NTRK2: variants seen among roughly 807,000 people sequenced by gnomAD.
The protein encoded by NTRK2 is neurotrophic receptor tyrosine kinase 2.
In NTRK2, 13 loss-of-function variants were observed where a neutral mutation model predicts 94.5. The ratio of observed to expected loss-of-function variants is 0.14; its 90% CI spans 0.09 to 0.22. The LOEUF is 0.22. NTRK2 is among the 10% of genes least tolerant of loss of function. The probability of loss-of-function intolerance (pLI) is 1.00; values close to 1 mark genes in which losing one functional copy is unlikely to be tolerated. For synonymous variants in NTRK2, 372 were observed against 407.4 expected, an observed-to-expected ratio of 0.91 and a Z score of 1.05; for missense variants, 639 against 1,071.2, an observed-to-expected ratio of 0.60 and a Z score of 5.63.
At chr9:85,018,444 C>T (rs1158033611) in intron 17 of NTRK2, among the ~76,000 whole-genome samples, 1 of 152,190 alleles carries the variant, frequency 6.6e-6, no homozygotes, top group Non-Finnish European at 1.5e-5. Flanking sequence ...GCAGCAGCAT[C>T]CCTGCATGGC....
chr9:84,941,472 T>C (rs188641129), intron 15 of NTRK2, among the ~76,000 whole-genome samples: 1 of 152,362 alleles, frequency 6.6e-6, no homozygotes, highest in Admixed American at 6.5e-5. Context: ...AACAGTGCAT[T>C]TCACTCTAAT....
chr9:84,977,376 T>A (rs1827017111), intron 17 of NTRK2, among the ~76,000 whole-genome samples: 1 of 152,090 alleles, frequency 6.6e-6, no homozygotes, highest in Non-Finnish European at 1.5e-5. Flanking sequence ...AAATCACCAA[T>A]AACAAGCACA....
chr9:85,019,497 T>C (rs1358287114), intron 17 of NTRK2, among the ~76,000 whole-genome samples: 2 of 152,238 alleles, frequency 1.3e-5, no homozygotes, highest in Non-Finnish European at 1.5e-5. Flanking sequence ...CCTGTACTAA[T>C]GCGATTGCTA....
At chr9:84,838,131 G>T (rs1280486341) in intron 12 of NTRK2, among the ~76,000 whole-genome samples, 1 of 152,096 alleles carries the variant, frequency 6.6e-6, no homozygotes, top group Non-Finnish European at 1.5e-5. Flanking sequence ...ATATTTAGTG[G>T]CTTTCCCATA....
chr9:84,808,681 C>T (rs1439457249), intron 12 of NTRK2, among the ~76,000 whole-genome samples: 2 of 152,236 alleles, frequency 1.3e-5, no homozygotes, highest in African/African-American at 4.8e-5. Flanking sequence ...GAGAATTAAT[C>T]AGTGCTACTG....
In NTRK2 at chr9:84,886,338, T is replaced by C. The variant is rs985905366; in HGVS notation, c.1633+18907T>C. Among the ~76,000 whole-genome samples, 4 of 152,192 alleles carry C rather than the reference T, an allele frequency of 2.6e-5. No individual in the cohort carries two copies. The East Asian group carries it at 5.8e-4, about 22-fold the overall frequency. On this transcript the variant is annotated intron_variant, in intron 14 of 18. Transcript: ENST00000277120. ...CAGTTTAGTTTGGACCATGATCCCA[T>C]TGGAAGAAGCTTCGAAAGCTTTTGG...
intron 17 of NTRK2, among the ~76,000 whole-genome samples, chr9:85,006,525 G>C (rs561402087): frequency 6.6e-6 from 1 of 152,292 alleles, no homozygotes; most frequent in African/African-American, 2.4e-5. Context: ...GGGGTGACAA[G>C]GAGGCTGCTG....
chr9:84,817,558 T>G (rs2072507617), intron 12 of NTRK2, among the ~76,000 whole-genome samples: 1 of 152,264 alleles, frequency 6.6e-6, no homozygotes, highest in Non-Finnish European at 1.5e-5. Context: ...TGTCTTACAC[T>G]GAATACAGCT....
At chr9:84,951,953 G>A (rs543312079) in intron 16 of NTRK2, among the ~76,000 whole-genome samples, 1 of 152,276 alleles carries the variant, frequency 6.6e-6, no homozygotes, top group African/African-American at 2.4e-5. Context: ...CTCTAAGCTA[G>A]TTAGGGTGGG....
intron 17 of NTRK2, among the ~76,000 whole-genome samples, chr9:84,975,243 C>T (rs1343503063): frequency 4.6e-5 from 7 of 152,118 alleles, no homozygotes; most frequent in African/African-American, 7.2e-5. Flanking sequence ...TGCAAATAGC[C>T]TCTGTCCTTG....
At chr9:84,954,572 C>G (rs917574275) in intron 16 of NTRK2, among the ~76,000 whole-genome samples, 5 of 152,178 alleles carry the variant, frequency 3.3e-5, no homozygotes, top group Non-Finnish European at 7.3e-5. Context: ...CTGTGTTGAG[C>G]GGAGGTTGGA....
chr9:85,005,416 T>G (rs998787900), intron 17 of NTRK2, among the ~76,000 whole-genome samples: 1 of 152,210 alleles, frequency 6.6e-6, no homozygotes, highest in Admixed American at 6.5e-5. Flanking sequence ...TGTCTTCGTT[T>G]CCCTACTTAG....
At chr9:84,991,951 C>G in intron 17 of NTRK2, among the ~76,000 whole-genome samples, 1 of 152,068 alleles carries the variant, frequency 6.6e-6, no homozygotes. Context: ...GCTGCCACCC[C>G]ACAACCAGTG....
At chr9:84,895,135 G>A (rs144967206) in intron 14 of NTRK2, among the ~76,000 whole-genome samples, 391 of 152,246 alleles carry the variant, frequency 2.6e-3, no homozygotes, top group African/African-American at 9.0e-3. Context: ...CGTGGACTTC[G>A]TACTCTTAAA....
chr9:84,755,772 T>C (rs1476582762), intron 12 of NTRK2, among the ~76,000 whole-genome samples: 1 of 152,132 alleles, frequency 6.6e-6, no homozygotes, highest in Non-Finnish European at 1.5e-5. Flanking sequence ...AGTTCTGAAG[T>C]TGGCAAAAGT....
rs149204390 is a variant in NTRK2, at chr9:84,852,657, A to T, written c.1397-8383A>T. The stretch of plus-strand genomic sequence containing the variant: ...CTGGAATCTACAAGAGATGTAAAAA[A>T]CTCAGTGTTGTATGTAGTTTAATTG... On this transcript the variant is annotated intron_variant, in intron 12 of 18. Transcript: ENST00000277120. Among the ~76,000 whole-genome samples the T allele has an allele frequency of 3.1e-3, 476 of 152,310 alleles. 3 individuals carry two copies. Among genetic ancestry groups the T allele is most frequent in the African/African-American group, 0.011 (456 of 41,568 alleles).
intron 12 of NTRK2, among the ~76,000 whole-genome samples, chr9:84,809,647 C>G (rs188998713): frequency 3.3e-5 from 5 of 150,948 alleles, no homozygotes; most frequent in Non-Finnish European, 7.4e-5. Context: ...TTTGGGAGGC[C>G]GAGGTGGGTA....
At chr9:85,004,567 G>C (rs1377930467) in intron 17 of NTRK2, among the ~76,000 whole-genome samples, 1 of 152,172 alleles carries the variant, frequency 6.6e-6, no homozygotes, top group Non-Finnish European at 1.5e-5. Flanking sequence ...TATAAACGAA[G>C]TGCGATTGTA....
intron 11 of NTRK2, among the ~76,000 whole-genome samples, chr9:84,750,154 C>T (rs1385919413): frequency 6.6e-6 from 1 of 152,180 alleles, no homozygotes; most frequent in Non-Finnish European, 1.5e-5. Flanking sequence ...CTGTCTTGGG[C>T]ACAGTAGGAT....
Sources: gnomAD v4.1 joint callset for allele counts (sites outside exome capture counted in the v4.1 genomes callset) on GRCh38, gnomAD v4.1.1 for gene constraint, MANE v1.5 for transcripts, NCBI Gene and HGNC (gene_info 2026-07-23, HGNC 2026-07-21) for gene names.